Variants in ADGRL2 observed in about 807,000 individuals in gnomAD.
The protein encoded by ADGRL2 is adhesion G protein-coupled receptor L2.
ADGRL2 carries 44 observed loss-of-function variants against 157.4 expected under a neutral mutation model. The ratio of observed to expected loss-of-function variants is 0.28; its 90% CI spans 0.22 to 0.36. The LOEUF is 0.36. Among genes scored for constraint, ADGRL2 ranks in the 10% least tolerant of loss-of-function variants. The probability of loss-of-function intolerance (pLI) is 1.00; values close to 1 mark genes in which losing one functional copy is unlikely to be tolerated. For synonymous variants in ADGRL2, 585 were observed against 624.7 expected (o/e 0.94, Z 0.95); for missense variants, 1,510 against 1,768.9 (o/e 0.85, Z 2.63).
chr1:81,923,267 AT>A (rs2095031099), intron 3 of ADGRL2, among the ~76,000 whole-genome samples: 7 of 152,212 alleles, frequency 4.6e-5, no homozygotes, highest in Admixed American at 4.6e-4. Context: ...GTGGTAGTCA[AT>A]TTGATAAAAG....
intron 2 of ADGRL2, among the ~76,000 whole-genome samples, chr1:81,786,027 C>T (rs1301792631): frequency 6.6e-6 from 1 of 152,030 alleles, no homozygotes; most frequent in African/African-American, 2.4e-5. Context: ...CTGCTTGAGC[C>T]TGGGAGGTGG....
At chr1:81,663,283 C>T (rs1475235543) in intron 3 of ADGRL2, among the ~76,000 whole-genome samples, 1 of 152,070 alleles carries the variant, frequency 6.6e-6, no homozygotes, top group African/African-American at 2.4e-5. Flanking sequence ...GAGGGTAGCA[C>T]CAGGAGATTA....
chr1:81,312,027 A>G (rs17106386), intron 1 of ADGRL2, among the ~76,000 whole-genome samples: 4,471 of 152,290 alleles, frequency 0.029, 177 homozygotes, highest in African/African-American at 0.091. Flanking sequence ...CTAAATCTTC[A>G]GACACTATAA....
chr1:81,971,371 T>C (rs1658686192), intron 16 of ADGRL2, among the ~76,000 whole-genome samples: 1 of 152,188 alleles, frequency 6.6e-6, no homozygotes, highest in African/African-American at 2.4e-5. Flanking sequence ...AGTGGAGGTA[T>C]TATATTTCTG....
At chr1:81,446,435 G>A (rs1224355982) in intron 2 of ADGRL2, among the ~76,000 whole-genome samples, 1 of 152,280 alleles carries the variant, frequency 6.6e-6, no homozygotes, top group East Asian at 1.9e-4. Flanking sequence ...AGCCTATATA[G>A]GGCCAATGAC....
At chr1:81,718,559 C>T (rs923173120) in intron 1 of ADGRL2, among the ~76,000 whole-genome samples, 6 of 152,050 alleles carry the variant, frequency 3.9e-5, no homozygotes, top group African/African-American at 9.7e-5. Context: ...TGCAGACTGT[C>T]CTGTTCATTA....
rs573192319 is a variant in ADGRL2 at position 81,992,278 on chromosome 1, G to A, written c.*1133G>A. 14 of 152,538 alleles carry A rather than the reference G, an allele frequency of 9.2e-5. No homozygotes were observed. Among genetic ancestry groups the A allele is most frequent in the African/African-American group, 3.4e-4 (14 of 41,498 alleles). The allele number at this position is 152,538 out of a possible 1,614,324, so 9.4% of individuals were successfully genotyped here. Reference sequence around the variant, plus strand: ...AGTAATTAATTTATTTTATGATAAAGTTCTAATGAAATGTAAATTGTTTCA... The same window carrying A: ...AGTAATTAATTTATTTTATGATAAAATTCTAATGAAATGTAAATTGTTTCA... On this transcript the variant is annotated 3_prime_UTR_variant, in exon 24 of 24. Transcript: ENST00000686636.
At chr1:81,438,505 A>G (rs1283655679) in intron 1 of ADGRL2, among the ~76,000 whole-genome samples, 1 of 152,154 alleles carries the variant, frequency 6.6e-6, no homozygotes, top group Admixed American at 6.5e-5. Context: ...TCTCTTCCCG[A>G]GTCTGCATTC....
At chr1:81,897,021 A>G (rs1571983582) in intron 2 of ADGRL2, among the ~76,000 whole-genome samples, 2 of 152,174 alleles carry the variant, frequency 1.3e-5, no homozygotes, top group South Asian at 4.1e-4. Flanking sequence ...GGATTATTGT[A>G]TTTTTGTTCC....
At chr1:81,674,096 T>G (rs1232278921) in intron 3 of ADGRL2, among the ~76,000 whole-genome samples, 3 of 152,238 alleles carry the variant, frequency 2.0e-5, no homozygotes, top group African/African-American at 7.2e-5. Context: ...TAAAATATGT[T>G]ATATCTAATG....
chr1:81,608,449 T>G (rs1379036674), intron 3 of ADGRL2, among the ~76,000 whole-genome samples: 1 of 152,202 alleles, frequency 6.6e-6, no homozygotes, highest in East Asian at 1.9e-4. Flanking sequence ...TAGATCTCAT[T>G]AATAAACATC....
intron 1 of ADGRL2, among the ~76,000 whole-genome samples, chr1:81,712,246 G>T (rs1414997881): frequency 1.3e-5 from 2 of 152,184 alleles, no homozygotes; most frequent in African/African-American, 2.4e-5. Context: ...CTGGATGGTT[G>T]CATGAGATTC....
rs2078941471 is a variant in ADGRL2, at chr1:81,505,042, C to T, written c.-248+59953C>T. ...TGGCAGTGGGAGACACCGCATGTGGCGTGGGTGTGTGTGGCGGCGTGGCTC... is the reference window on the plus strand; with the variant it reads ...TGGCAGTGGGAGACACCGCATGTGGTGTGGGTGTGTGTGGCGGCGTGGCTC... On this transcript the variant is annotated intron_variant, in intron 2 of 24. Coordinates refer to the ADGRL2 transcript ENST00000370721. 4 of 392,412 alleles carry T rather than the reference C, an allele frequency of 1.0e-5. No individual in the cohort carries two copies. The Admixed American group carries it at 1.2e-4, about 12-fold the overall frequency. 24.3% of individuals were successfully genotyped at this position (392,412 alleles called of 1,614,324 possible). A position where few individuals can be genotyped will look rare whatever the true frequency, so the allele number is the denominator to read the frequency against.
At chr1:81,412,659 G>A (rs1266342873) in intron 1 of ADGRL2, among the ~76,000 whole-genome samples, 2 of 152,156 alleles carry the variant, frequency 1.3e-5, no homozygotes, top group Admixed American at 6.5e-5. Context: ...CCTAAAACAC[G>A]TTGGATTTAC....
intron 1 of ADGRL2, among the ~76,000 whole-genome samples, chr1:81,382,589 G>T (rs962742437): frequency 6.6e-6 from 1 of 152,252 alleles, no homozygotes; most frequent in Admixed American, 6.5e-5. Context: ...AAGCATGGAG[G>T]GGTGGGGGAA....
chr1:81,454,404 A>T (rs2077761316), intron 2 of ADGRL2, among the ~76,000 whole-genome samples: 1 of 152,134 alleles, frequency 6.6e-6, no homozygotes, highest in Admixed American at 6.6e-5. Flanking sequence ...TTATCTTGTG[A>T]TATAGATTTC....
chr1:81,445,041 A>G (rs1004426372), exon 2 of ADGRL2: 4 of 152,160 alleles, frequency 2.6e-5, no homozygotes, highest in Non-Finnish European at 5.9e-5. Context: ...ACTTACTCTA[A>G]ACTTCACAAA....
intron 2 of ADGRL2, among the ~76,000 whole-genome samples, chr1:81,904,475 G>A (rs539846924): frequency 2.6e-5 from 4 of 152,142 alleles, no homozygotes; most frequent in Non-Finnish European, 4.4e-5. Flanking sequence ...TTTAGCTTAT[G>A]GTTCTGGGGT....
chr1:81,342,656 G>A (rs1010821976), intron 1 of ADGRL2, among the ~76,000 whole-genome samples: 10 of 151,992 alleles, frequency 6.6e-5, no homozygotes, highest in African/African-American at 2.4e-4. Flanking sequence ...TTTCCATTAA[G>A]TAACTTATTT....
Sources: gnomAD v4.1 joint callset for allele counts (sites outside exome capture counted in the v4.1 genomes callset) on GRCh38, gnomAD v4.1.1 for gene constraint, MANE v1.5 for transcripts, NCBI Gene and HGNC (gene_info 2026-07-23, HGNC 2026-07-21) for gene names.